The following C13orf46 variants were observed in gnomAD, a reference collection of about 807,000 sequenced individuals.
C13orf46 encodes the protein uncharacterized protein C13orf46.
chr13:113,946,998 T>C, the C13orf46 span, among the ~76,000 whole-genome samples: 25 of 152,208 alleles, frequency 1.6e-4, no homozygotes, highest in African/African-American at 6.0e-4. Flanking sequence ...CTCTTCCCTC[T>C]CTCTGGCTGT....
chr13:113,930,366 A>AGCACCGAGGCGGGGACGCG, the C13orf46 span, among the ~76,000 whole-genome samples: 1 of 82,688 alleles, frequency 1.2e-5, no homozygotes, highest in African/African-American at 6.3e-5. Flanking sequence ...GTGGGGGCGC[A>AGCACCGAGGCGGGGACGCG]GGAGCACCGA....
At chr13:113,931,814 T>A in the C13orf46 span, among the ~76,000 whole-genome samples, 1 of 152,188 alleles carries the variant, frequency 6.6e-6, no homozygotes, top group Non-Finnish European at 1.5e-5. Context: ...TTTGTTTAGA[T>A]TTTTTTGACA....
intron 6 of C13orf46, among the ~76,000 whole-genome samples, chr13:113,960,480 C>T (rs1477100829): frequency 2.0e-5 from 3 of 152,168 alleles, no homozygotes; most frequent in Non-Finnish European, 4.4e-5. Context: ...GCAGGTCGTG[C>T]GTGGCTGCCT....
chr13:113,972,820 C>T (rs922151959), intron 1 of C13orf46, among the ~76,000 whole-genome samples: 7 of 152,208 alleles, frequency 4.6e-5, no homozygotes, highest in Non-Finnish European at 7.3e-5. Context: ...ATGATCCTCC[C>T]TTCAGGCATC....
chr13:113,957,636 G>A (rs2138978503), intron 6 of C13orf46, among the ~76,000 whole-genome samples: 2 of 118,382 alleles, frequency 1.7e-5, no homozygotes, highest in Admixed American at 9.4e-5. Flanking sequence ...GGTCTCCCCT[G>A]CACTCTGCCT....
the C13orf46 span, among the ~76,000 whole-genome samples, chr13:113,942,561 T>C: frequency 1.3e-5 from 2 of 152,218 alleles, no homozygotes; most frequent in East Asian, 3.9e-4. Context: ...CTCCACAGGA[T>C]GCTTGCCAAA....
chr13:113,959,449 CCTTTTAAT>C (rs1433551150), intron 6 of C13orf46, among the ~76,000 whole-genome samples: 5 of 152,226 alleles, frequency 3.3e-5, no homozygotes, highest in African/African-American at 1.2e-4. Flanking sequence ...AGGTGCTTCC[CCTTTTAAT>C]CTGACTCCCA....
chr13:113,966,836 TG>T, intron 5 of C13orf46, among the ~76,000 whole-genome samples: 1 of 152,206 alleles, frequency 6.6e-6, no homozygotes, highest in South Asian at 2.1e-4. Flanking sequence ...TAAGCTTTCC[TG>T]GGTGTGAGGC....
intron 1 of C13orf46, among the ~76,000 whole-genome samples, chr13:113,972,874 C>G (rs72659511): frequency 0.11 from 16,068 of 152,204 alleles, 1,108 homozygotes; most frequent in Middle Eastern, 0.15. Context: ...CTGCCCTCCT[C>G]TCACCCCTCC....
At chr13:113,953,283 T>A (rs1031046910), downstream of C13orf46, among the ~76,000 whole-genome samples, 2 of 152,006 alleles carry the variant, frequency 1.3e-5, no homozygotes, top group Admixed American at 1.3e-4. Context: ...CACGGAAATC[T>A]CCCTGAGGTA....
At chr13:113,962,323 G>A (rs1322890296) in intron 6 of C13orf46, among the ~76,000 whole-genome samples, 11 of 152,256 alleles carry the variant, frequency 7.2e-5, no homozygotes, top group Admixed American at 3.3e-4. Flanking sequence ...GGAGAATGGC[G>A]TGAACCTGGG....
At chr13:113,937,288 G>C in the C13orf46 span, among the ~76,000 whole-genome samples, 1 of 152,218 alleles carries the variant, frequency 6.6e-6, no homozygotes, top group Non-Finnish European at 1.5e-5. Flanking sequence ...TGCAGTGACC[G>C]TGGTCACGCC....
At chr13:113,957,989 C>T (rs1393179731) in intron 6 of C13orf46, among the ~76,000 whole-genome samples, 1 of 149,606 alleles carries the variant, frequency 6.7e-6, no homozygotes. Flanking sequence ...TCTGCCTGCA[C>T]CCCCTTTCAT....
chr13:113,940,152 C>T, the C13orf46 span, among the ~76,000 whole-genome samples: 16 of 152,226 alleles, frequency 1.1e-4, no homozygotes, highest in Non-Finnish European at 2.1e-4. Context: ...TCAGATGCAC[C>T]GTCAGCCGCA....
At chr13:113,952,627 C>T (rs2052493767), downstream of C13orf46, among the ~76,000 whole-genome samples, 1 of 152,226 alleles carries the variant, frequency 6.6e-6, no homozygotes, top group African/African-American at 2.4e-5. Flanking sequence ...GACCACTGGC[C>T]GGCCCTAGAA....
In C13orf46 at chr13:113,954,851, T is replaced by TC. The variant is rs2052508388; in HGVS notation, c.*1921_*1922insG. 1 of 73,454 alleles carries TC rather than the reference T, an allele frequency of 1.4e-5. No homozygotes were observed. The highest frequency in any genetic ancestry group is 1.6e-4 in the Admixed American group (1 of 6,284). 4.6% of individuals were successfully genotyped at this position (73,454 alleles called of 1,614,324 possible). ...GGAGATGAGGAGCATCCGGTGGAGATGAGGAGCATCTCGTGGGGAGGAGGA... is the reference window on the plus strand; with the variant it reads ...GGAGATGAGGAGCATCCGGTGGAGATCGAGGAGCATCTCGTGGGGAGGAGGA... On this transcript the variant is annotated 3_prime_UTR_variant, in exon 7 of 7. Coordinates refer to ENST00000636427, the MANE Select transcript of C13orf46 (RefSeq NM_001365455.2).
At chr13:113,959,202 G>C (rs1034877122) in intron 6 of C13orf46, among the ~76,000 whole-genome samples, 5 of 152,206 alleles carry the variant, frequency 3.3e-5, no homozygotes, top group African/African-American at 1.2e-4. Context: ...AGCCCAGGGG[G>C]TGGAGGTTGC....
At chr13:113,973,590 T>C (rs1005643748) in intron 1 of C13orf46, among the ~76,000 whole-genome samples, 22 of 152,202 alleles carry the variant, frequency 1.4e-4, no homozygotes, top group Non-Finnish European at 7.3e-5. Flanking sequence ...CAGGTGCTGA[T>C]TGATGCCCCA....
At chr13:113,957,021 C>T (rs2052540723) in intron 6 of C13orf46, among the ~76,000 whole-genome samples, 182 bp from the exon 7 acceptor site, 2 of 151,898 alleles carry the variant, frequency 1.3e-5, no homozygotes, top group Non-Finnish European at 2.9e-5. Context: ...ATATGCACCC[C>T]CGTTCATCAA....
Sources: gnomAD v4.1 joint callset for allele counts (sites outside exome capture counted in the v4.1 genomes callset) on GRCh38, gnomAD v4.1.1 for gene constraint, MANE v1.5 for transcripts, NCBI Gene and HGNC (gene_info 2026-07-23, HGNC 2026-07-21) for gene names.